SAMD13: variants seen among roughly 807,000 people sequenced by gnomAD.
SAMD13 encodes the protein sterile alpha motif domain containing 13, also known as sterile alpha motif domain-containing protein 13.
Under a neutral mutation model 12.4 loss-of-function variants are expected in SAMD13, and 9 were observed. That is an observed-to-expected ratio of 0.72 (90% confidence interval 0.44 to 1.26). The LOEUF (loss-of-function observed/expected upper bound fraction) is 1.26, where lower values mean the gene tolerates loss of function less well. SAMD13 is among the 50% of genes most tolerant of loss of function. SAMD13 has a pLI of 0.00. For missense variants in SAMD13, 84 were observed against 119.6 expected (o/e 0.70, Z 1.39); for synonymous variants, 46 against 45.4 (o/e 1.01, Z -0.05).
intron 3 of SAMD13, among the ~76,000 whole-genome samples, chr1:84,341,860 G>C (rs1679433764): frequency 6.6e-6 from 1 of 152,116 alleles, no homozygotes; most frequent in African/African-American, 2.4e-5. Context: ...GAAATGGTTG[G>C]TGTATTAAAG....
chr1:84,316,410 A>C (rs188919146), intron 2 of SAMD13, among the ~76,000 whole-genome samples: 19 of 152,256 alleles, frequency 1.2e-4, no homozygotes, highest in Non-Finnish European at 2.4e-4. Context: ...ATGGTAAAAG[A>C]TAATCCAGTT....
At chr1:84,300,194 C>T (rs12740273), upstream of SAMD13, among the ~76,000 whole-genome samples, 164 of 152,248 alleles carry the variant, frequency 1.1e-3, no homozygotes, top group Non-Finnish European at 1.7e-3. Flanking sequence ...CATAAAAGTC[C>T]ATCATTTTGA....
chr1:84,316,130 G>A (rs577531926), intron 2 of SAMD13, among the ~76,000 whole-genome samples: 8 of 152,122 alleles, frequency 5.3e-5, no homozygotes, highest in African/African-American at 9.6e-5. Context: ...CCTCTTATCA[G>A]ATATATAGTT....
chr1:84,336,821 C>T (rs554402333), intron 3 of SAMD13, among the ~76,000 whole-genome samples: 40 of 152,256 alleles, frequency 2.6e-4, no homozygotes, highest in East Asian at 7.7e-4. Flanking sequence ...TCTACCTATG[C>T]GCCTGTAAAA....
chr1:84,314,558 G>T (rs1678788656), intron 2 of SAMD13, among the ~76,000 whole-genome samples: 1 of 152,068 alleles, frequency 6.6e-6, no homozygotes, highest in Admixed American at 6.6e-5. Flanking sequence ...GCCCAGTCTT[G>T]TCTGTTCTGT....
At chr1:84,326,375 C>T (rs1242481341) in intron 3 of SAMD13, among the ~76,000 whole-genome samples, 1 of 152,120 alleles carries the variant, frequency 6.6e-6, no homozygotes, top group South Asian at 2.1e-4. Context: ...ACACACAGTG[C>T]CTATGATAGG....
intron 3 of SAMD13, among the ~76,000 whole-genome samples, chr1:84,328,484 A>G (rs1166635831): frequency 1.3e-5 from 2 of 152,106 alleles, no homozygotes; most frequent in African/African-American, 2.4e-5. Flanking sequence ...TCTGCCTTGA[A>G]TTTGTCTCTG....
intron 3 of SAMD13, among the ~76,000 whole-genome samples, chr1:84,327,471 G>A (rs938008945): frequency 3.3e-5 from 5 of 152,190 alleles, no homozygotes; most frequent in Non-Finnish European, 7.4e-5. Context: ...GAGTATGAGG[G>A]AAATTTCTGG....
rs12568494 is a variant in SAMD13, at chr1:84,337,859, A to G, written c.166-11772A>G. 7.1e-3 allele frequency among the ~76,000 whole-genome samples: 1,077 copies of G among 152,298 alleles called. 41 individuals are homozygous for G. In the East Asian group the frequency reaches 0.1, roughly 14 times the overall value. On this transcript the variant is annotated intron_variant, in intron 3 of 3. Transcript: ENST00000394834. ...CAAATCACCTCTTGAAGGCTTTGCT[A>G]CTTAGAAATTTCTTTTACCAGATAC...
intron 2 of SAMD13, among the ~76,000 whole-genome samples, chr1:84,312,248 A>G (rs1678731939): frequency 6.6e-6 from 1 of 152,046 alleles, no homozygotes; most frequent in Admixed American, 6.6e-5. Context: ...TTTTTTACAC[A>G]ACAAACAGCA....
intron 2 of SAMD13, among the ~76,000 whole-genome samples, chr1:84,318,271 G>A (rs1678875616): frequency 6.6e-6 from 1 of 151,322 alleles, no homozygotes; most frequent in Non-Finnish European, 1.5e-5. Flanking sequence ...TCTTAATACT[G>A]CTTCTGTTTC....
chr1:84,310,087 A>G (rs966302807), intron 2 of SAMD13, among the ~76,000 whole-genome samples: 1 of 152,188 alleles, frequency 6.6e-6, no homozygotes, highest in Non-Finnish European at 1.5e-5. Flanking sequence ...TCTGAGCCGC[A>G]TATGTAATTT....
chr1:84,329,117 C>T (rs370347735), intron 3 of SAMD13, among the ~76,000 whole-genome samples: 2 of 151,900 alleles, frequency 1.3e-5, no homozygotes, highest in African/African-American at 2.4e-5. Context: ...AGGATGGAAC[C>T]CCCATGATGA....
intron 2 of SAMD13, among the ~76,000 whole-genome samples, chr1:84,311,797 T>C (rs998470133): frequency 8.5e-5 from 13 of 152,360 alleles, no homozygotes; most frequent in African/African-American, 3.1e-4. Context: ...TAAAATTCTT[T>C]GACAGAGATA....
intron 2 of SAMD13, among the ~76,000 whole-genome samples, chr1:84,324,131 G>A (rs1009016048): frequency 2.0e-5 from 3 of 152,080 alleles, no homozygotes; most frequent in East Asian, 1.9e-4. Flanking sequence ...CCTAGTCTAC[G>A]CATGATCTCT....
intron 2 of SAMD13, among the ~76,000 whole-genome samples, chr1:84,323,437 G>A (rs1207796600): frequency 6.6e-6 from 1 of 152,088 alleles, no homozygotes; most frequent in Non-Finnish European, 1.5e-5. Context: ...GTGCATATGG[G>A]TATGTGTGTA....
At chr1:84,338,734 G>A (rs575933225) in intron 3 of SAMD13, among the ~76,000 whole-genome samples, 3 of 152,098 alleles carry the variant, frequency 2.0e-5, no homozygotes, top group Non-Finnish European at 2.9e-5. Flanking sequence ...CACCGTGCCC[G>A]GCTGGGAACT....
At position 84,347,690 on chromosome 1, in the gene SAMD13, GAC is replaced by G. The variant is rs549306692; in HGVS notation, c.166-1937_166-1936del. On this transcript the variant is annotated intron_variant, in intron 3 of 3. Transcript: ENST00000394834. ...TAAAACATTCCGAGCCTGTGTGCAAGACACAGCGTGAGCTTTAAGGTTACATC... is the reference window on the plus strand; with the variant it reads ...TAAAACATTCCGAGCCTGTGTGCAAGACAGCGTGAGCTTTAAGGTTACATC... Among the ~76,000 whole-genome samples the G allele has an allele frequency of 3.0e-3, 462 of 152,276 alleles. 1 individual carries two copies. Among genetic ancestry groups the G allele is most frequent in the African/African-American group, 0.01 (434 of 41,558 alleles).
At chr1:84,335,969 C>G (rs1679280513) in intron 3 of SAMD13, among the ~76,000 whole-genome samples, 2 of 152,064 alleles carry the variant, frequency 1.3e-5, no homozygotes, top group Non-Finnish European at 2.9e-5. Context: ...TCTTTATCTG[C>G]CTTTTACATT....
Sources: allele counts gnomAD v4.1 joint callset (sites outside exome capture counted in the v4.1 genomes callset), GRCh38; gene constraint gnomAD v4.1.1; transcripts MANE v1.5; gene names NCBI Gene and HGNC (gene_info 2026-07-23, HGNC 2026-07-21).